WNT8A: variants seen among roughly 807,000 people sequenced by gnomAD.
The protein encoded by WNT8A is Wnt family member 8A, also known as protein Wnt-8a.
WNT8A carries 14 observed loss-of-function variants against 20.5 expected under a neutral mutation model. The ratio of observed to expected loss-of-function variants is 0.68; its 90% CI spans 0.45 to 1.07. The LOEUF (loss-of-function observed/expected upper bound fraction) is 1.07. WNT8A is among the 50% of genes least tolerant of loss of function. WNT8A has a pLI of 0.00. For missense variants in WNT8A, 397 were observed against 462.9 expected, an observed-to-expected ratio of 0.86 and a Z score of 1.31; for synonymous variants, 167 against 169.2, an observed-to-expected ratio of 0.99 and a Z score of 0.10.
At chr5:138,081,591 G>C (rs1382913457), upstream of WNT8A, among the ~76,000 whole-genome samples, 1 of 151,996 alleles carries the variant, frequency 6.6e-6, no homozygotes, top group African/African-American at 2.4e-5. Context: ...ACAGAGAAAA[G>C]GCCGCTGAGG....
chr5:138,091,424 A>T lies in WNT8A; in HGVS notation c.*351A>T. The stretch of plus-strand genomic sequence containing the variant: ...AAGTATTTGTTCCTTTAAATTTCAG[A>T]CCATGTCCAACCCAGCTGTGCTGCT... On this transcript the variant is annotated 3_prime_UTR_variant, in exon 5 of 5. Coordinates refer to ENST00000506684, the MANE Select transcript of WNT8A (RefSeq NM_001300939.2). The T allele has an allele frequency of 7.3e-7, 1 of 1,361,722 alleles. No individual in the cohort carries two copies. The highest frequency in any genetic ancestry group is 9.7e-7 in the Non-Finnish European group (1 of 1,028,516). 84.4% of individuals were successfully genotyped at this position (1,361,722 alleles called of 1,614,324 possible).
At chr5:138,089,151 CG>C (rs1252248830) in intron 4 of WNT8A, 82 bp downstream of exon 4, 2 of 1,525,198 alleles carry the variant, frequency 1.3e-6, no homozygotes, top group African/African-American at 2.8e-5. Context: ...CTGTCTTATA[CG>C]TTCTTTCCTC....
chr5:138,083,959 G>C (rs1750574271), upstream of WNT8A: 1 of 866,078 alleles, frequency 1.2e-6, no homozygotes, highest in South Asian at 2.1e-5. Context: ...GAACAAATGA[G>C]AAGAGCTGCT....
Position 138,090,820 on chromosome 5 carries a change from A to G in WNT8A, c.857A>G (p.Tyr286Cys), listed in dbSNP as rs1390886928. 6.2e-7 allele frequency: 1 copy of G among 1,614,208 alleles called. No individual in the cohort carries two copies. Among genetic ancestry groups the G allele is most frequent in the Non-Finnish European group, 8.5e-7 (1 of 1,180,030 alleles). Residue 286 changes from tyrosine to cysteine, a missense_variant, in exon 5 of 5, where the codon TAT (tyrosine) becomes TGT (cysteine). Tyr to Cys is a radical substitution (Grantham distance 194). Transcript: ENST00000506684. ...ACCTGCAATTCCAGCCTGGGCATCT[A>G]TGGCACAGAGGGTCGTGAGTGCCTA... The part of the protein sequence containing the change: ...YCTCNSSLGI[Y>C]GTEGRECLQN...
At chr5:138,080,030 A>G (rs1200104949), upstream of WNT8A, among the ~76,000 whole-genome samples, 3 of 152,172 alleles carry the variant, frequency 2.0e-5, no homozygotes, top group Non-Finnish European at 2.9e-5. Flanking sequence ...AAAGATGTAT[A>G]AGATAATTCT....
At chr5:138,085,924 G>A (rs1750647893) in intron 2 of WNT8A, among the ~76,000 whole-genome samples, 1 of 151,460 alleles carries the variant, frequency 6.6e-6, no homozygotes, top group Non-Finnish European at 1.5e-5. Flanking sequence ...AGATAGAATA[G>A]GGAGTATGTA....
At chr5:138,078,359 T>C in the WNT8A span, among the ~76,000 whole-genome samples, 1 of 152,102 alleles carries the variant, frequency 6.6e-6, no homozygotes, top group African/African-American at 2.4e-5. Context: ...TCCTATCTCT[T>C]TGTCTTTTGG....
intron 4 of WNT8A, among the ~76,000 whole-genome samples, chr5:138,089,532 G>A (rs1159922737): frequency 6.6e-6 from 1 of 152,204 alleles, no homozygotes; most frequent in Non-Finnish European, 1.5e-5. Flanking sequence ...TTCTAGTGGG[G>A]TGGCAGTCTC....
In WNT8A at chr5:138,090,595, C is replaced by T; in HGVS notation, c.632C>T (p.Thr211Ile). ...HGISGSCSIQ[T>I]CWLQLAEFRE... ...ATCTCTGGGAGCTGCAGCATACAGACATGCTGGCTGCAGCTGGCTGAATTC... is the reference window on the plus strand; with the variant it reads ...ATCTCTGGGAGCTGCAGCATACAGATATGCTGGCTGCAGCTGGCTGAATTC... The change falls in exon 5 of 5, where the codon ACA (threonine) becomes ATA (isoleucine). Residue 211 changes from threonine (T) to isoleucine (I), a missense_variant. By Grantham distance (89) the Thr-to-Ile change is moderately conservative. Transcript: ENST00000506684. 1 of 1,614,168 alleles carries T rather than the reference C, an allele frequency of 6.2e-7. No homozygotes were observed. Among genetic ancestry groups the T allele is most frequent in the Non-Finnish European group, 8.5e-7 (1 of 1,180,028 alleles).
intron 1 of WNT8A, 35 bp downstream of exon 1, chr5:138,084,318 G>A: frequency 6.2e-7 from 1 of 1,611,502 alleles, no homozygotes; most frequent in Non-Finnish European, 8.5e-7. Flanking sequence ...TTTACCCACT[G>A]AGGGCCCTAA....
At chr5:138,081,067 C>T (rs2151142526), upstream of WNT8A, among the ~76,000 whole-genome samples, 1 of 152,060 alleles carries the variant, frequency 6.6e-6, no homozygotes, top group Non-Finnish European at 1.5e-5. Context: ...CAGTGAAACC[C>T]TGTCTCTACT....
rs1158054413 is a variant in WNT8A at position 138,091,362 on chromosome 5, G to C, written c.*289G>C. ...GTACTTATGCAGCTTTCTACAGGGA[G>C]AGTTTGGTTTGGGGTCTATATCTAG... is the stretch of plus-strand genomic sequence containing the variant. On this transcript the variant is annotated 3_prime_UTR_variant, in exon 5 of 5. Transcript: ENST00000506684. 7.0e-7 allele frequency: 1 copy of C among 1,422,782 alleles called. No homozygotes were observed. The highest frequency in any genetic ancestry group is 9.4e-7 in the Non-Finnish European group (1 of 1,068,636). The allele number at this position is 1,422,782 out of a possible 1,614,324, so 88.1% of individuals were successfully genotyped here.
chr5:138,086,877 A>G (rs962041570), intron 2 of WNT8A, among the ~76,000 whole-genome samples: 7 of 87,100 alleles, frequency 8.0e-5, no homozygotes, highest in African/African-American at 2.7e-4. Context: ...TGTACTAAAG[A>G]CCAAAAAAAA....
At position 138,090,813 on chromosome 5, in the gene WNT8A, G is replaced by A; in HGVS notation, c.850G>A (p.Gly284Ser). The A allele has an allele frequency of 1.9e-6, 3 of 1,614,174 alleles. No homozygotes were observed. Among genetic ancestry groups the A allele is most frequent in the Non-Finnish European group, 2.5e-6 (3 of 1,180,036 alleles). Reference protein sequence around the residue: ...PDYCTCNSSLGIYGTEGRECL... With the variant: ...PDYCTCNSSLSIYGTEGRECL... ...TTACTGTACCTGCAATTCCAGCCTG[G>A]GCATCTATGGCACAGAGGGTCGTGA... Residue 284 changes from glycine (G) to serine (S), a missense_variant, in exon 5 of 5, where the codon GGC becomes AGC. Physicochemically the swap from Gly to Ser is moderately conservative, Grantham distance 56. Coordinates refer to ENST00000506684, the MANE Select transcript of WNT8A (RefSeq NM_001300939.2).
upstream of WNT8A, among the ~76,000 whole-genome samples, chr5:138,083,260 G>A (rs1286961029): frequency 6.2e-5 from 9 of 144,206 alleles, no homozygotes; most frequent in South Asian, 2.3e-4. Flanking sequence ...CAGCCTGGGC[G>A]ACAGAGCGAG....
chr5:138,087,957 G>T, intron 3 of WNT8A, 26 bp downstream of exon 3: 1 of 1,612,016 alleles, frequency 6.2e-7, no homozygotes, highest in South Asian at 1.1e-5. Flanking sequence ...TAATGGGGGT[G>T]GGAAGAGGTG....
downstream of WNT8A, chr5:138,092,120 A>G (rs1306788309): frequency 6.6e-6 from 1 of 152,170 alleles, no homozygotes; most frequent in Non-Finnish European, 1.5e-5. Flanking sequence ...TTTGCCATAA[A>G]TGCTTCTAAG....
chr5:138,087,649 CAAAAAAAAAAAA>C (rs66902804), intron 2 of WNT8A, among the ~76,000 whole-genome samples, 145 bp from the exon 3 acceptor site: 14 of 70,244 alleles, frequency 2.0e-4, no homozygotes, highest in Non-Finnish European at 3.2e-4. Context: ...GAGCGAGTCT[CAAAAAAAAAAAA>C]AAAAAAAAAA....
At chr5:138,080,452 T>TTTTTTTG (rs1581351358), upstream of WNT8A, among the ~76,000 whole-genome samples, 9 of 43,864 alleles carry the variant, frequency 2.1e-4, no homozygotes, top group East Asian at 5.2e-3. Flanking sequence ...TTGTTTTTTT[T>TTTTTTTG]TTTTTTTTTT....
Sources: gnomAD v4.1 joint callset for allele counts (sites outside exome capture counted in the v4.1 genomes callset) on GRCh38, gnomAD v4.1.1 for gene constraint, MANE v1.5 for transcripts, NCBI Gene and HGNC (gene_info 2026-07-23, HGNC 2026-07-21) for gene names.